The following LRFN5 variants were observed in gnomAD, a reference collection of about 807,000 sequenced individuals.
The protein encoded by LRFN5 is leucine rich repeat and fibronectin type III domain containing 5, also known as leucine-rich repeat and fibronectin type-III domain-containing protein 5.
A neutral mutation model predicts 45.6 loss-of-function variants in LRFN5; 24 were observed. The observed-to-expected ratio is 0.53, with a 90% CI of 0.38 to 0.74. The LOEUF (loss-of-function observed/expected upper bound fraction) is 0.74, where lower values mean the gene tolerates loss of function less well. Among genes scored for constraint, LRFN5 ranks in the 30% least tolerant of loss-of-function variants. LRFN5 has a pLI of 0.00. For synonymous variants in LRFN5, 340 were observed against 313.8 expected (o/e 1.08, Z -0.88); for missense variants, 776 against 861.5 (o/e 0.90, Z 1.24).
At chr14:41,650,885 AAG>A (rs553509448) in intron 1 of LRFN5, among the ~76,000 whole-genome samples, 31 of 104,800 alleles carry the variant, frequency 3.0e-4, no homozygotes, top group African/African-American at 7.0e-4. Context: ...GAGACAGAGA[AAG>A]AGAGAGAGAG....
chr14:41,848,424 G>A (rs1044289139), intron 2 of LRFN5, among the ~76,000 whole-genome samples: 1 of 151,772 alleles, frequency 6.6e-6, no homozygotes, highest in East Asian at 1.9e-4. Context: ...ATTTTGAACC[G>A]TAAAAGAGAA....
chr14:41,855,089 A>G (rs1193716506), intron 2 of LRFN5, among the ~76,000 whole-genome samples: 1 of 152,216 alleles, frequency 6.6e-6, no homozygotes, highest in Non-Finnish European at 1.5e-5. Context: ...TTCAGTGGAC[A>G]CTTGTAGAAT....
chr14:41,794,554 A>C (rs1333106841), intron 2 of LRFN5, among the ~76,000 whole-genome samples: 1 of 152,052 alleles, frequency 6.6e-6, no homozygotes. Context: ...TGTAGCCTTC[A>C]TATGCAGGAT....
Position 41,753,528 on chromosome 14 carries a change from A to G in LRFN5, c.-196-13326A>G, listed in dbSNP as rs557518342. ...TAGGTATTTTATTCTCTTTGAAGCA[A>G]TTGTGAATGGGAGTTCACTCATGAT... On this transcript the variant is annotated intron_variant, in intron 1 of 5. Coordinates refer to ENST00000298119, the MANE Select transcript of LRFN5 (RefSeq NM_152447.5). Among the ~76,000 whole-genome samples, 260 of 152,124 alleles carry G rather than the reference A, an allele frequency of 1.7e-3. 1 individual carries two copies. Among genetic ancestry groups the G allele is most frequent in the Non-Finnish European group, 2.9e-3 (199 of 67,982 alleles).
At chr14:41,873,138 G>A (rs569092962) in intron 2 of LRFN5, among the ~76,000 whole-genome samples, 3 of 152,234 alleles carry the variant, frequency 2.0e-5, no homozygotes, top group African/African-American at 7.2e-5. Flanking sequence ...TGCTTATGGA[G>A]AATCTGTCCT....
chr14:41,754,955 G>T (rs1885307387), intron 1 of LRFN5, among the ~76,000 whole-genome samples: 1 of 151,912 alleles, frequency 6.6e-6, no homozygotes, highest in Admixed American at 6.6e-5. Flanking sequence ...AGAGATTCTT[G>T]TATGTTGTGT....
At chr14:41,701,666 A>G (rs1177619185) in intron 1 of LRFN5, 1 of 152,200 alleles carries the variant, frequency 6.6e-6, no homozygotes, top group Non-Finnish European at 1.5e-5. Context: ...GCTGTAATAC[A>G]CAGGGAAATG....
intron 1 of LRFN5, chr14:41,700,446 A>G (rs983450751): frequency 3.9e-5 from 6 of 152,132 alleles, no homozygotes; most frequent in Admixed American, 2.0e-4. Flanking sequence ...TGAAGCGTAA[A>G]CGAGTGATAG....
At chr14:41,632,317 T>G (rs988892511) in intron 1 of LRFN5, among the ~76,000 whole-genome samples, 9 of 152,266 alleles carry the variant, frequency 5.9e-5, no homozygotes, top group East Asian at 3.9e-4. Context: ...AATGTAGGTG[T>G]TGTTGGCCGG....
rs76501844 is a variant in LRFN5, at chr14:41,618,472, C to A, written c.-197+9910C>A. The stretch of plus-strand genomic sequence containing the variant: ...GAAACATGGATTCCTCTGCTGAGGA[C>A]AGGTGGCCTGGCTAACAGCCAGCTC... On this transcript the variant is annotated intron_variant, in intron 1 of 5. Coordinates refer to ENST00000298119, the MANE Select transcript of LRFN5 (RefSeq NM_152447.5). 2.8e-3 allele frequency among the ~76,000 whole-genome samples: 426 copies of A among 152,286 alleles called. 15 individuals carry two copies. In the East Asian group the frequency reaches 0.07, roughly 25 times the overall value.
chr14:41,876,033 G>A (rs1038622004), intron 2 of LRFN5, among the ~76,000 whole-genome samples: 29 of 152,140 alleles, frequency 1.9e-4, no homozygotes, highest in African/African-American at 6.7e-4. Context: ...ACATGTAAGG[G>A]AGATATCCCC....
At chr14:41,842,068 G>GGT (rs1888879108) in intron 2 of LRFN5, among the ~76,000 whole-genome samples, 1 of 151,832 alleles carries the variant, frequency 6.6e-6, no homozygotes, top group Admixed American at 6.6e-5. Flanking sequence ...CAATGAATAT[G>GGT]GTGGGACTAA....
At chr14:41,752,503 C>T (rs1306033443) in intron 1 of LRFN5, among the ~76,000 whole-genome samples, 2 of 152,276 alleles carry the variant, frequency 1.3e-5, no homozygotes, top group South Asian at 4.1e-4. Flanking sequence ...ATTTGCATTT[C>T]TCTGATGGCC....
At chr14:41,727,474 A>T (rs1292538427) in intron 1 of LRFN5, among the ~76,000 whole-genome samples, 5 of 151,954 alleles carry the variant, frequency 3.3e-5, no homozygotes, top group African/African-American at 1.2e-4. Context: ...GAAAGAAAAA[A>T]AATTAGCCAG....
chr14:41,752,575 T>C (rs1885183629), intron 1 of LRFN5, among the ~76,000 whole-genome samples: 1 of 152,228 alleles, frequency 6.6e-6, no homozygotes, highest in Non-Finnish European at 1.5e-5. Flanking sequence ...CTGAGAAGTG[T>C]CTGTTCATAT....
intron 2 of LRFN5, among the ~76,000 whole-genome samples, chr14:41,821,777 A>G (rs1384182306): frequency 2.3e-5 from 1 of 44,288 alleles, no homozygotes; most frequent in Non-Finnish European, 6.2e-5. Flanking sequence ...TGGGGGAGGG[A>G]TTTTTTTTTT....
chr14:41,881,596 G>T lies in LRFN5; in HGVS notation c.-20-5010G>T, dbSNP rs151017507. On this transcript the variant is annotated intron_variant, in intron 2 of 5. Coordinates refer to ENST00000298119, the MANE Select transcript of LRFN5 (RefSeq NM_152447.5). Reference sequence around the variant, plus strand: ...TATTTTTACTTCTACTATTTATTCTGCCCCATTCTCCCTTTCTTTCTGAGA... The same window carrying T: ...TATTTTTACTTCTACTATTTATTCTTCCCCATTCTCCCTTTCTTTCTGAGA... 9.5e-3 allele frequency among the ~76,000 whole-genome samples: 1,442 copies of T among 151,672 alleles called. 26 individuals are homozygous for T. The highest frequency in any genetic ancestry group is 0.033 in the African/African-American group (1,382 of 41,366).
chr14:41,609,294 G>C (rs1359019792), intron 1 of LRFN5, among the ~76,000 whole-genome samples: 4 of 151,942 alleles, frequency 2.6e-5, no homozygotes, highest in Non-Finnish European at 5.9e-5. Flanking sequence ...TCCCCGTCAC[G>C]GACACGCAAC....
rs1375514529 is a variant in LRFN5, at chr14:41,781,590, AAGAAAGAAAGAAAGAAAGAAAGAAAG to A, written c.-21+14580_-21+14605del. Among the ~76,000 whole-genome samples the A allele has an allele frequency of 4.0e-3, 418 of 103,664 alleles. 7 individuals carry two copies. Among genetic ancestry groups the A allele is most frequent in the African/African-American group, 0.015 (364 of 24,326 alleles). 68.0% of individuals were successfully genotyped at this position (103,664 alleles called of 152,430 possible). A position where few individuals can be genotyped will look rare whatever the true frequency, so the allele number is the denominator to read the frequency against. ...AAAGAAAGAAAGAAAGAAAGAAAGA[AAGAAAGAAAGAAAGAAAGAAAGAAAG>A]AGAAAGAAAGAAAGAAAGGAAAGAA... is the stretch of plus-strand genomic sequence containing the variant. On this transcript the variant is annotated intron_variant, in intron 2 of 5. Coordinates refer to ENST00000298119, the MANE Select transcript of LRFN5 (RefSeq NM_152447.5).
Sources: allele counts gnomAD v4.1 joint callset (sites outside exome capture counted in the v4.1 genomes callset), GRCh38; gene constraint gnomAD v4.1.1; transcripts MANE v1.5; gene names NCBI Gene and HGNC (gene_info 2026-07-23, HGNC 2026-07-21).